The following AK7 variants were observed in gnomAD, a reference collection of about 807,000 sequenced individuals.
AK7 encodes ATP-AMP transphosphorylase 7.
In AK7, 78 loss-of-function variants were observed where a neutral mutation model predicts 96.6. The observed-to-expected ratio is 0.81, with a 90% CI of 0.67 to 0.97. The LOEUF (loss-of-function observed/expected upper bound fraction) is 0.97, where lower values mean the gene tolerates loss of function less well. Ranked by LOEUF, AK7 falls within the 50% of genes least tolerant of loss-of-function variation. AK7 has a pLI of 0.00. For synonymous variants in AK7, 302 were observed against 317.2 expected (o/e 0.95, Z 0.51); for missense variants, 855 against 887.9 (o/e 0.96, Z 0.47).
In AK7 at chr14:96,438,649, C is replaced by A. The variant is rs566510040; in HGVS notation, c.690+734C>A. Among the ~76,000 whole-genome samples, 8 of 152,216 alleles carry A rather than the reference C, an allele frequency of 5.3e-5. No homozygotes were observed. The East Asian group carries it at 1.5e-3, about 29-fold the overall frequency. ...GTCAGACCAAGCCCAGCCTGGTAGC[C>A]CCTCGTGAAGCTCTGGCTTTCTTTC... On this transcript the variant is annotated intron_variant, in intron 6 of 17. Coordinates refer to ENST00000267584, the MANE Select transcript of AK7 (RefSeq NM_152327.5).
intron 6 of AK7, among the ~76,000 whole-genome samples, chr14:96,441,072 C>G (rs552676807): frequency 6.6e-6 from 1 of 151,896 alleles, no homozygotes; most frequent in Non-Finnish European, 1.5e-5. Flanking sequence ...ATCAGCTGTT[C>G]GACATGAGGG....
intron 8 of AK7, among the ~76,000 whole-genome samples, chr14:96,447,469 C>T (rs991201386): frequency 3.3e-5 from 5 of 151,898 alleles, no homozygotes; most frequent in African/African-American, 1.2e-4. Flanking sequence ...CGTGCACCAC[C>T]GTACCTGGCT....
chr14:96,402,048 T>C (rs1439665300), intron 2 of AK7, among the ~76,000 whole-genome samples: 1 of 152,172 alleles, frequency 6.6e-6, no homozygotes, highest in Non-Finnish European at 1.5e-5. Context: ...GCCCTTCTTA[T>C]AATTTTTTCA....
chr14:96,457,963 G>C, intron 11 of AK7, 120 bp from the exon 12 acceptor site: 1 of 1,410,346 alleles, frequency 7.1e-7, no homozygotes, highest in Non-Finnish European at 9.6e-7. Flanking sequence ...CATGACAGCT[G>C]TCATAGGGTA....
At position 96,404,877 on chromosome 14, in the gene AK7, G is replaced by A. The variant is rs1566760811; in HGVS notation, c.403+12G>A. 8.2e-6 allele frequency: 13 copies of A among 1,578,396 alleles called. No individual in the cohort carries two copies. In the East Asian group the frequency reaches 2.0e-4, roughly 25 times the overall value. On this transcript the variant is annotated intron_variant, in intron 3 of 17. Transcript: ENST00000267584. ...CTGGGCAGTCTCTGGTCAGTGAGGT[G>A]TACTCTTTTATCTCCAGGGATGCTA... is the stretch of plus-strand genomic sequence containing the variant.
intron 12 of AK7, among the ~76,000 whole-genome samples, chr14:96,466,485 G>T (rs1051712703): frequency 6.6e-6 from 1 of 152,042 alleles, no homozygotes; most frequent in Non-Finnish European, 1.5e-5. Context: ...TGATCCGCCT[G>T]CCTCAGCCTC....
chr14:96,458,909 C>T (rs1320360982), intron 12 of AK7, among the ~76,000 whole-genome samples: 6 of 13,396 alleles, frequency 4.5e-4, no homozygotes, highest in Non-Finnish European at 8.4e-4. Context: ...GATCCTGTCT[C>T]AACAAAAAAA....
chr14:96,406,085 G>C (rs1467693032), intron 3 of AK7, among the ~76,000 whole-genome samples: 1 of 150,358 alleles, frequency 6.7e-6, no homozygotes, highest in Admixed American at 6.6e-5. Context: ...GCAAGATCTT[G>C]CTCTGTCACC....
At chr14:96,478,430 A>G (rs754894489) in intron 14 of AK7, 35 bp from the exon 15 acceptor site, 2 of 1,610,828 alleles carry the variant, frequency 1.2e-6, no homozygotes, top group East Asian at 2.2e-5. Flanking sequence ...GCTGCGCTGT[A>G]TTGTGCCAAC....
At chr14:96,395,153 AC>A (rs1481925150) in intron 1 of AK7, among the ~76,000 whole-genome samples, 1 of 152,180 alleles carries the variant, frequency 6.6e-6, no homozygotes, top group East Asian at 1.9e-4. Flanking sequence ...GCTGTGTATA[AC>A]TTTTGTCTCC....
At chr14:96,418,621 C>T (rs556262169) in intron 4 of AK7, among the ~76,000 whole-genome samples, 7 of 152,172 alleles carry the variant, frequency 4.6e-5, no homozygotes, top group African/African-American at 1.2e-4. Context: ...CAGGTTCAAG[C>T]GATTCTCCTG....
chr14:96,444,488 C>T (rs1893122720), intron 7 of AK7, among the ~76,000 whole-genome samples: 1 of 152,078 alleles, frequency 6.6e-6, no homozygotes, highest in African/African-American at 2.4e-5. Context: ...CCCAACAGAC[C>T]AGACTGAAAA....
In AK7 at chr14:96,478,482, G is replaced by A; in HGVS notation, c.1573G>A (p.Asp525Asn). 3 of 1,614,158 alleles carry A rather than the reference G, an allele frequency of 1.9e-6. No individual in the cohort carries two copies. The highest frequency in any genetic ancestry group is 2.5e-6 in the Non-Finnish European group (3 of 1,180,038). Residue 525 changes from aspartate to asparagine, a missense_variant, in exon 15 of 18, where the codon GAT (aspartate) becomes AAT (asparagine). Asp to Asn is a conservative substitution (Grantham distance 23, BLOSUM62 1). Coordinates refer to ENST00000267584, the MANE Select transcript of AK7 (RefSeq NM_152327.5). ...LIIPEFVCAL[D>N]ASDEFLKERV... is the part of the protein sequence containing the mutation. The stretch of plus-strand genomic sequence containing the variant: ...CTCCCCAGAATTCGTTTGTGCACTG[G>A]ATGCTTCGGATGAGTTTCTGAAGGA...
At chr14:96,455,346 A>G (rs1204504625) in intron 10 of AK7, among the ~76,000 whole-genome samples, 1 of 151,994 alleles carries the variant, frequency 6.6e-6, no homozygotes, top group Non-Finnish European at 1.5e-5. Context: ...TCAGACGAAC[A>G]TGGTGGTGTG....
In AK7 at chr14:96,456,350, A is replaced by G. The variant is rs1181529719; in HGVS notation, c.1102A>G (p.Ile368Val). Residue 368 changes from isoleucine to valine, a missense_variant, in exon 11 of 18, where the codon ATC (isoleucine) becomes GTC (valine). Transcript: ENST00000267584. ...TCCTTACTCTCTCCTCTTTCAGCCA[A>G]TCAAGATCTGCATTCTTGGTCCCCC... ...EYKQSRGLMP[I>V]KICILGPPAV... The G allele has an allele frequency of 6.2e-7, 1 of 1,613,182 alleles. No individual in the cohort carries two copies. Among genetic ancestry groups the G allele is most frequent in the Admixed American group, 1.7e-5 (1 of 59,966 alleles).
intron 1 of AK7, among the ~76,000 whole-genome samples, chr14:96,394,344 T>G (rs538369690): frequency 6.6e-6 from 1 of 152,296 alleles, no homozygotes; most frequent in South Asian, 2.1e-4. Context: ...CCACAAAAAG[T>G]GTGCTAATTT....
intron 7 of AK7, among the ~76,000 whole-genome samples, chr14:96,444,466 C>G (rs149005065): frequency 6.6e-6 from 1 of 152,224 alleles, no homozygotes; most frequent in African/African-American, 2.4e-5. Flanking sequence ...GGAGTAAGTT[C>G]TTGTACTAGG....
chr14:96,422,777 A>AG (rs1362973053), intron 5 of AK7, among the ~76,000 whole-genome samples: 1 of 152,202 alleles, frequency 6.6e-6, no homozygotes, highest in Admixed American at 6.5e-5. Context: ...CAATAGTTTC[A>AG]GGGGGTCGCC....
intron 12 of AK7, among the ~76,000 whole-genome samples, chr14:96,461,956 C>A (rs1555384345): frequency 6.6e-6 from 1 of 152,164 alleles, no homozygotes; most frequent in Non-Finnish European, 1.5e-5. Context: ...CAAGGCTTAA[C>A]CTAACAGTTA....
Sources: gnomAD v4.1 joint callset for allele counts (sites outside exome capture counted in the v4.1 genomes callset) on GRCh38, gnomAD v4.1.1 for gene constraint, MANE v1.5 for transcripts, NCBI Gene and HGNC (gene_info 2026-07-23, HGNC 2026-07-21) for gene names.